Variants in SLCO1A2 observed in about 807,000 individuals in gnomAD.
SLCO1A2 encodes the protein OATP-1.
A neutral mutation model predicts 69.0 loss-of-function variants in SLCO1A2; 67 were observed. The observed-to-expected ratio is 0.97, with a 90% CI of 0.80 to 1.19. The LOEUF (loss-of-function observed/expected upper bound fraction) is 1.19, where lower values mean the gene tolerates loss of function less well. Among genes scored for constraint, SLCO1A2 ranks in the 50% most tolerant of loss-of-function variants. SLCO1A2 has a pLI of 0.00. For synonymous variants in SLCO1A2, 260 were observed against 265.9 expected (o/e 0.98, Z 0.22); for missense variants, 787 against 793.7 (o/e 0.99, Z 0.10).
chr12:21,293,984 A>G lies in SLCO1A2; in HGVS notation c.1398T>C (p.Leu466=), dbSNP rs764924427. 3.1e-6 allele frequency: 5 copies of G among 1,612,466 alleles called. No individual in the cohort carries two copies. In the Admixed American group the frequency reaches 8.4e-5, roughly 27 times the overall value. ...TTCCAATGGATGTCTCACAACCAGC[A>G]AGACAAGCTGACAGATATGACAAGC... ...NNGLSYLSAC[L]AGCETSIGTG... The change falls in exon 11 of 15, where the codon CTT becomes CTC. Residue 466 remains leucine, a synonymous_variant. Transcript: ENST00000683939.
rs139711507 is a variant in SLCO1A2 at position 21,302,960 on chromosome 12, G to A, written c.589+1467C>T. Among the ~76,000 whole-genome samples the A allele has an allele frequency of 6.4e-3, 967 of 152,176 alleles. 4 individuals are homozygous for A. Among genetic ancestry groups the A allele is most frequent in the African/African-American group, 0.022 (925 of 41,520 alleles). On this transcript the variant is annotated intron_variant, in intron 6 of 14. Transcript: ENST00000683939. ...GTCCGCCTCAGCCTCCCAAAGTGCT[G>A]GGATTACAGGCATGAGCCACCACAC...
intron 1 of SLCO1A2, among the ~76,000 whole-genome samples, chr12:21,388,426 C>T (rs979483623): frequency 6.6e-6 from 1 of 152,100 alleles, no homozygotes; most frequent in Non-Finnish European, 1.5e-5. Flanking sequence ...CCATGCCGTT[C>T]TTGTGATAGT....
chr12:21,366,438 T>A (rs981512278), intron 2 of SLCO1A2, among the ~76,000 whole-genome samples: 6 of 151,928 alleles, frequency 3.9e-5, no homozygotes, highest in Admixed American at 1.3e-4. Context: ...GAGATATACC[T>A]AATGTAAATG....
At chr12:21,271,910 C>T (rs1332897601) in intron 14 of SLCO1A2, among the ~76,000 whole-genome samples, 1 of 150,040 alleles carries the variant, frequency 6.7e-6, no homozygotes, top group East Asian at 1.9e-4. Flanking sequence ...ATTTAAAGCT[C>T]TAAAAATCCC....
At chr12:21,295,484 A>G (rs2033428821) in intron 10 of SLCO1A2, 113 bp downstream of exon 10, 1 of 692,846 alleles carries the variant, frequency 1.4e-6, no homozygotes, top group African/African-American at 1.8e-5. Context: ...AAAAGCATGG[A>G]TTACTATCAT....
Position 21,265,744 on chromosome 12 carries a change from G to C in SLCO1A2, c.*3804C>G, listed in dbSNP as rs1235907522. The stretch of plus-strand genomic sequence containing the variant: ...TGAAACCTGCACTCTCCAGTTCCTT[G>C]GCAAGCAAACAACAGCTTACCCTAC... On this transcript the variant is annotated 3_prime_UTR_variant, in exon 15 of 15. Coordinates refer to ENST00000683939, the MANE Select transcript of SLCO1A2 (RefSeq NM_001386879.1). 1 of 152,036 alleles carries C rather than the reference G, an allele frequency of 6.6e-6. No individual in the cohort carries two copies. Among genetic ancestry groups the C allele is most frequent in the Non-Finnish European group, 1.5e-5 (1 of 68,022 alleles). 9.4% of individuals were successfully genotyped at this position (152,036 alleles called of 1,614,324 possible).
intron 3 of SLCO1A2, among the ~76,000 whole-genome samples, chr12:21,315,972 T>A (rs1950814716): frequency 6.6e-6 from 1 of 152,176 alleles, no homozygotes; most frequent in South Asian, 2.1e-4. Flanking sequence ...TAAAACTGAC[T>A]GGGGAAATAT....
At chr12:21,315,139 G>C (rs1466973174) in intron 3 of SLCO1A2, among the ~76,000 whole-genome samples, 11 of 152,276 alleles carry the variant, frequency 7.2e-5, no homozygotes, top group Admixed American at 3.3e-4. Context: ...TTAGGTAGCT[G>C]AATGTTTTGT....
At chr12:21,400,650 G>C (rs1390734233) in intron 1 of SLCO1A2, among the ~76,000 whole-genome samples, 2 of 149,870 alleles carry the variant, frequency 1.3e-5, no homozygotes, top group African/African-American at 4.9e-5. Context: ...ATGATAGACT[G>C]GATTAAGAAA....
At chr12:21,384,941 A>G (rs1940798950) in intron 1 of SLCO1A2, among the ~76,000 whole-genome samples, 1 of 151,686 alleles carries the variant, frequency 6.6e-6, no homozygotes, top group South Asian at 2.1e-4. Context: ...AATTTTTTGT[A>G]TTTTTAGTAG....
At position 21,292,260 on chromosome 12, in the gene SLCO1A2, T is replaced by C; in HGVS notation, c.1514A>G (p.Asp505Gly). The C allele has an allele frequency of 6.2e-7, 1 of 1,613,000 alleles. No homozygotes were observed. The highest frequency in any genetic ancestry group is 8.5e-7 in the Non-Finnish European group (1 of 1,179,176). Residue 505 changes from aspartate to glycine, a missense_variant, in exon 12 of 15, where the codon GAC becomes GGC. Asp to Gly is a moderately conservative substitution (Grantham distance 94, BLOSUM62 -1). Coordinates refer to ENST00000683939, the MANE Select transcript of SLCO1A2 (RefSeq NM_001386879.1). ...GAAGTACTGGAGCATCAAGGAACAG[T>C]CAGGTCCTTTGTCGCACAGCCCAAG... ...AVLGLCDKGP[D>G]CSLMLQYFLI...
rs998801823 is a variant in SLCO1A2 at position 21,288,251 on chromosome 12, G to T, written c.1610+3913C>A. Among the ~76,000 whole-genome samples, 5 of 152,048 alleles carry T rather than the reference G, an allele frequency of 3.3e-5. No individual in the cohort carries two copies. In the South Asian group the frequency reaches 8.3e-4, roughly 25 times the overall value. On this transcript the variant is annotated intron_variant, in intron 12 of 14. Coordinates refer to ENST00000683939, the MANE Select transcript of SLCO1A2 (RefSeq NM_001386879.1). ...GAGATCAGGACTTCAAGACCAGCCG[G>T]GCCAACATAATAAAACACTGTTTCT...
At chr12:21,318,753 A>G (rs985748055) in intron 3 of SLCO1A2, 29 bp downstream of exon 3, 2 of 1,580,042 alleles carry the variant, frequency 1.3e-6, no homozygotes, top group Non-Finnish European at 1.7e-6. Flanking sequence ...CAAAATACAA[A>G]AAGAAGAAAT....
intron 2 of SLCO1A2, among the ~76,000 whole-genome samples, chr12:21,366,691 C>T (rs2045941): frequency 4.6e-5 from 7 of 151,668 alleles, no homozygotes; most frequent in East Asian, 1.9e-4. Flanking sequence ...TCAGAGATAA[C>T]GATGGATATT....
chr12:21,297,494 A>G lies in SLCO1A2; in HGVS notation c.985T>C (p.Phe329Leu). Reference protein sequence around the residue: ...MLFILVSVIQFNAFVNMISFM... With the variant: ...MLFILVSVIQLNAFVNMISFM... ...GAGATCATGTTAACGAATGCATTGA[A>G]CTGTATCACACTTACAAGTATGAAA... The change falls in exon 9 of 15, where the codon TTC becomes CTC. Residue 329 changes from phenylalanine (F) to leucine (L), a missense_variant. Transcript: ENST00000683939. 6.2e-7 allele frequency: 1 copy of G among 1,609,508 alleles called. No homozygotes were observed. The highest frequency in any genetic ancestry group is 8.5e-7 in the Non-Finnish European group (1 of 1,176,790).
At chr12:21,347,849 GAATA>G in intron 2 of SLCO1A2, among the ~76,000 whole-genome samples, 1 of 152,256 alleles carries the variant, frequency 6.6e-6, no homozygotes, top group South Asian at 2.1e-4. Context: ...GATTTACAAA[GAATA>G]AATAGCAAAC....
At chr12:21,333,203 T>C (rs1194694503) in intron 2 of SLCO1A2, among the ~76,000 whole-genome samples, 1 of 152,136 alleles carries the variant, frequency 6.6e-6, no homozygotes, top group African/African-American at 2.4e-5. Context: ...TTTATTCTAC[T>C]TTACATGTTA....
At chr12:21,358,054 C>T (rs970604384) in intron 2 of SLCO1A2, among the ~76,000 whole-genome samples, 2 of 152,102 alleles carry the variant, frequency 1.3e-5, no homozygotes, top group African/African-American at 4.8e-5. Flanking sequence ...CTTTTCAAAA[C>T]TTTACTCACA....
At chr12:21,288,820 T>TA (rs1433357762) in intron 12 of SLCO1A2, among the ~76,000 whole-genome samples, 1 of 151,612 alleles carries the variant, frequency 6.6e-6, no homozygotes, top group Non-Finnish European at 1.5e-5. Context: ...AATTTAAAAT[T>TA]AAAAAAACTA....
Sources: allele counts gnomAD v4.1 joint callset (sites outside exome capture counted in the v4.1 genomes callset), GRCh38; gene constraint gnomAD v4.1.1; transcripts MANE v1.5; gene names NCBI Gene and HGNC (gene_info 2026-07-23, HGNC 2026-07-21).